The following ACADSB variants were observed in gnomAD, a reference collection of about 807,000 sequenced individuals.
The protein encoded by ACADSB is short/branched chain specific acyl-CoA dehydrogenase, mitochondrial.
Under a neutral mutation model 54.1 loss-of-function variants are expected in ACADSB, and 40 were observed. The observed-to-expected ratio is 0.74, with a 90% CI of 0.57 to 0.96. ACADSB has a LOEUF of 0.96. Among genes scored for constraint, ACADSB ranks in the 40% least tolerant of loss-of-function variants. The pLI is 0.00. For missense variants in ACADSB, 530 were observed against 510.4 expected (o/e 1.04, Z -0.37); for synonymous variants, 182 against 182.8 (o/e 1.00, Z 0.03).
At chr10:123,025,055 C>T (rs532213191) in intron 1 of ACADSB, among the ~76,000 whole-genome samples, 1 of 152,146 alleles carries the variant, frequency 6.6e-6, no homozygotes, top group South Asian at 2.1e-4. Context: ...GTGGGCGTGC[C>T]ACTGCCCTCA....
chr10:123,020,979 G>A (rs1410088104), intron 1 of ACADSB, among the ~76,000 whole-genome samples: 1 of 152,064 alleles, frequency 6.6e-6, no homozygotes, highest in African/African-American at 2.4e-5. Flanking sequence ...CTCCAGCCTG[G>A]GTGACAGAGC....
chr10:123,041,378 T>C lies in ACADSB; in HGVS notation c.680T>C (p.Ile227Thr), dbSNP rs755158007. Residue 227 changes from isoleucine to threonine, a missense_variant and splice_region_variant, in exon 5 of 11, where the codon ATT becomes ACT. Physicochemically the swap from Ile to Thr is moderately conservative, Grantham distance 89. Coordinates refer to ENST00000358776, the MANE Select transcript of ACADSB (RefSeq NM_001609.4). ...FLVMANVDPTIGYKGITSFLV... is the reference protein window; with the variant it reads ...FLVMANVDPTTGYKGITSFLV... ...GTGATGGCAAATGTAGACCCTACCA[T>C]TGTAAGTTTGAAAACGAAATTTCTT... 3 of 1,614,074 alleles carry C rather than the reference T, an allele frequency of 1.9e-6. No individual in the cohort carries two copies. Among genetic ancestry groups the C allele is most frequent in the South Asian group, 1.1e-5 (1 of 91,094 alleles).
chr10:123,033,457 T>G (rs952237088), intron 1 of ACADSB, among the ~76,000 whole-genome samples: 2 of 152,178 alleles, frequency 1.3e-5, no homozygotes, highest in Admixed American at 6.5e-5. Flanking sequence ...TGTTAAAGGA[T>G]TTGGGACACT....
chr10:123,020,491 T>C (rs571544506), intron 1 of ACADSB, among the ~76,000 whole-genome samples: 1 of 152,240 alleles, frequency 6.6e-6, no homozygotes. Context: ...ATTCACCCAC[T>C]GAAGGACATC....
chr10:123,043,151 T>A lies in ACADSB; in HGVS notation c.787T>A (p.Leu263Ile), dbSNP rs1179513003. 6.2e-7 allele frequency: 1 copy of A among 1,613,774 alleles called. No homozygotes were observed. Among genetic ancestry groups the A allele is most frequent in the African/African-American group, 1.3e-5 (1 of 74,912 alleles). ...LGLRASSTCP[L>I]TFENVKVPEA... is the part of the protein sequence containing the mutation. Reference sequence around the variant, plus strand: ...GCTCAGAGCTTCTTCCACCTGCCCGTTAACATTCGAAAATGTCAAGGTGGG... The same window carrying A: ...GCTCAGAGCTTCTTCCACCTGCCCGATAACATTCGAAAATGTCAAGGTGGG... Residue 263 changes from leucine (L) to isoleucine (I), a missense_variant, in exon 6 of 11, where the codon TTA (leucine) becomes ATA (isoleucine). By Grantham distance (5) the Leu-to-Ile change is conservative. Transcript: ENST00000358776.
rs1329484483 is a variant in ACADSB at position 123,055,419 on chromosome 10, A to G, written c.*1654A>G. Reference sequence around the variant, plus strand: ...CTCCCCCGGGTCCCTCCCACAACACATGGGAATTCTGAGAGATACCATTTA... The same window carrying G: ...CTCCCCCGGGTCCCTCCCACAACACGTGGGAATTCTGAGAGATACCATTTA... On this transcript the variant is annotated 3_prime_UTR_variant, in exon 11 of 11. Coordinates refer to ENST00000358776, the MANE Select transcript of ACADSB (RefSeq NM_001609.4). 3 of 152,696 alleles carry G rather than the reference A, an allele frequency of 2.0e-5. No individual in the cohort carries two copies. The highest frequency in any genetic ancestry group is 1.9e-4 in the East Asian group (1 of 5,232). 9.5% of individuals were successfully genotyped at this position (152,696 alleles called of 1,614,324 possible).
chr10:123,041,184 G>T, intron 4 of ACADSB, 25 bp from the exon 5 acceptor site: 1 of 1,611,852 alleles, frequency 6.2e-7, no homozygotes, highest in Non-Finnish European at 8.5e-7. Context: ...TTATTAATTT[G>T]GACATTTTTT....
In ACADSB at chr10:123,052,788, A is replaced by C; in HGVS notation, c.1129-273A>C. Reference sequence around the variant, plus strand: ...AGCTCGTCCGTTAGGCCCCCAGTAAACATTTCCTGAATAAATGATATCTCT... The same window carrying C: ...AGCTCGTCCGTTAGGCCCCCAGTAACCATTTCCTGAATAAATGATATCTCT... On this transcript the variant is annotated intron_variant, in intron 9 of 10. Transcript: ENST00000358776. The surrounding 1 kb of genome is among the most constrained non-coding windows in gnomAD (Gnocchi z 4.2). The C allele has an allele frequency of 2.3e-6, 1 of 440,988 alleles. No homozygotes were observed. The allele number at this position is 440,988 out of a possible 1,614,324, so 27.3% of individuals were successfully genotyped here.
chr10:123,033,522 C>T (rs527626926), intron 1 of ACADSB, among the ~76,000 whole-genome samples: 3 of 152,300 alleles, frequency 2.0e-5, no homozygotes, highest in East Asian at 3.9e-4. Context: ...TTAACTAGAT[C>T]GTTACTGCTG....
chr10:123,024,248 T>C (rs1850219351), intron 1 of ACADSB, among the ~76,000 whole-genome samples: 1 of 152,216 alleles, frequency 6.6e-6, no homozygotes, highest in Non-Finnish European at 1.5e-5. Flanking sequence ...AAGAATTTAG[T>C]ATAAGAAAAG....
intron 1 of ACADSB, among the ~76,000 whole-genome samples, chr10:123,032,911 C>A (rs907505698): frequency 1.3e-5 from 2 of 152,096 alleles, no homozygotes; most frequent in Non-Finnish European, 2.9e-5. Flanking sequence ...TCTTTCCCCC[C>A]TTTCTTCCTT....
intron 7 of ACADSB, among the ~76,000 whole-genome samples, chr10:123,044,938 T>A (rs1456811260): frequency 6.6e-6 from 1 of 151,716 alleles, no homozygotes; most frequent in Non-Finnish European, 1.5e-5. Context: ...TGGGCAAGTT[T>A]TTTGGCGGCA....
At position 123,009,908 on chromosome 10, in the gene ACADSB, T is replaced by TA. The variant is rs141072023; in HGVS notation, c.42+838dup. Among the ~76,000 whole-genome samples, 450 of 152,392 alleles carry TA rather than the reference T, an allele frequency of 3.0e-3. 2 individuals carry two copies. The highest frequency in any genetic ancestry group is 0.01 in the African/African-American group (425 of 41,590). ...CTTCACTGGGAATTTTCCCACTGCT[T>TA]ACGTGTGCTTTTAATGTTTCCTTTG... On this transcript the variant is annotated intron_variant, in intron 1 of 10. Coordinates refer to ENST00000358776, the MANE Select transcript of ACADSB (RefSeq NM_001609.4).
At chr10:123,048,543 G>A (rs576446124) in intron 8 of ACADSB, among the ~76,000 whole-genome samples, 1 of 152,232 alleles carries the variant, frequency 6.6e-6, no homozygotes, top group South Asian at 2.1e-4. Context: ...GTTTTGAAGG[G>A]AGGCTTTTGA....
chr10:123,048,115 T>C (rs1440508067), intron 8 of ACADSB, among the ~76,000 whole-genome samples: 1 of 152,214 alleles, frequency 6.6e-6, no homozygotes, highest in African/African-American at 2.4e-5. Context: ...CTTTACATGG[T>C]TGCAAAACCT....
At chr10:123,050,951 T>C (rs567283529) in intron 8 of ACADSB, 98 bp from the exon 9 acceptor site, 1 of 1,303,986 alleles carries the variant, frequency 7.7e-7, no homozygotes, top group East Asian at 2.5e-5. Context: ...GGGGTGTATT[T>C]TGAGTCTGTC....
intron 7 of ACADSB, among the ~76,000 whole-genome samples, chr10:123,046,296 C>T (rs958266236): frequency 2.0e-5 from 3 of 152,136 alleles, no homozygotes; most frequent in Admixed American, 6.5e-5. Context: ...GTCTGCTGGG[C>T]ATTTCCCCCA....
intron 1 of ACADSB, among the ~76,000 whole-genome samples, chr10:123,011,874 C>G (rs1346064599): frequency 6.7e-6 from 1 of 148,736 alleles, no homozygotes; most frequent in African/African-American, 2.5e-5. Flanking sequence ...TTTTTTTAGA[C>G]AAGTTTTCAC....
chr10:123,028,283 G>T (rs1053045470), intron 1 of ACADSB, among the ~76,000 whole-genome samples: 1 of 152,100 alleles, frequency 6.6e-6, no homozygotes, highest in Admixed American at 6.5e-5. Context: ...CAGCAGTTAG[G>T]ATCTTATCCT....
Sources: allele counts gnomAD v4.1 joint callset (sites outside exome capture counted in the v4.1 genomes callset), GRCh38; gene constraint gnomAD v4.1.1; non-coding constraint Gnocchi (gnomAD v3.1); transcripts MANE v1.5; gene names NCBI Gene and HGNC (gene_info 2026-07-23, HGNC 2026-07-21).